ZFAND3: variants seen among roughly 807,000 people sequenced by gnomAD.
The protein encoded by ZFAND3 is AN1-type zinc finger protein 3.
Under a neutral mutation model 29.6 loss-of-function variants are expected in ZFAND3, and 10 were observed. The ratio of observed to expected loss-of-function variants is 0.34; its 90% CI spans 0.21 to 0.57. The LOEUF is 0.57. ZFAND3 is among the 20% of genes least tolerant of loss of function. ZFAND3 has a pLI of 0.86. For synonymous variants in ZFAND3, 128 were observed against 112.6 expected (o/e 1.14, Z -0.87); for missense variants, 230 against 304.5 (o/e 0.76, Z 1.82).
chr6:38,088,824 A>G (rs921798377), intron 4 of ZFAND3, among the ~76,000 whole-genome samples: 2 of 152,204 alleles, frequency 1.3e-5, no homozygotes, highest in African/African-American at 4.8e-5. Flanking sequence ...TAAAATAACT[A>G]TTTGTGAGGC....
At chr6:38,064,804 C>A (rs1764309863) in intron 3 of ZFAND3, among the ~76,000 whole-genome samples, 2 of 151,060 alleles carry the variant, frequency 1.3e-5, no homozygotes, top group Admixed American at 1.3e-4. Flanking sequence ...TAGACTTATA[C>A]TCTCTGAAGC....
intron 1 of ZFAND3, 121 bp downstream of exon 1, chr6:37,820,137 T>C: frequency 3.2e-6 from 1 of 311,708 alleles, no homozygotes; most frequent in East Asian, 1.9e-4. Flanking sequence ...AGCCCGGGCC[T>C]ACGGGGAGGG....
chr6:38,103,363 TATATACACACAATATATATATAC>T (rs1358110059), intron 4 of ZFAND3, among the ~76,000 whole-genome samples: 3 of 147,914 alleles, frequency 2.0e-5, no homozygotes, highest in Non-Finnish European at 3.0e-5. Flanking sequence ...TATATATATA[TATATACACACAATATATATATAC>T]ACACACACAT....
intron 5 of ZFAND3, among the ~76,000 whole-genome samples, chr6:38,128,843 C>G (rs1765687985): frequency 6.6e-6 from 1 of 152,152 alleles, no homozygotes; most frequent in Admixed American, 6.5e-5. Flanking sequence ...GACTTCTTTT[C>G]CTCTGGGTAG....
At chr6:37,987,711 G>A (rs1413581279) in intron 2 of ZFAND3, among the ~76,000 whole-genome samples, 2 of 152,164 alleles carry the variant, frequency 1.3e-5, no homozygotes, top group Admixed American at 1.3e-4. Flanking sequence ...CTAGCACTTT[G>A]TTGAATCAGG....
At chr6:37,853,062 A>G (rs1397513394) in intron 1 of ZFAND3, among the ~76,000 whole-genome samples, 2 of 152,074 alleles carry the variant, frequency 1.3e-5, no homozygotes, top group Non-Finnish European at 1.5e-5. Flanking sequence ...GTAGGTCAAT[A>G]ATGTCTATTT....
chr6:37,906,082 T>C (rs1935730372), intron 1 of ZFAND3, among the ~76,000 whole-genome samples: 1 of 152,128 alleles, frequency 6.6e-6, no homozygotes, highest in Non-Finnish European at 1.5e-5. Flanking sequence ...TTTAACCATT[T>C]TTAAGTAAAT....
intron 1 of ZFAND3, among the ~76,000 whole-genome samples, chr6:37,910,324 G>A (rs1765496920): frequency 6.6e-6 from 1 of 151,186 alleles, no homozygotes; most frequent in African/African-American, 2.5e-5. Flanking sequence ...ATTTAATCCT[G>A]TTGGTAACTG....
chr6:37,869,513 A>G (rs1160821264), intron 1 of ZFAND3, among the ~76,000 whole-genome samples: 1 of 141,322 alleles, frequency 7.1e-6, no homozygotes, highest in East Asian at 2.0e-4. Context: ...AAGTTTGTTA[A>G]TTTTTTTTTT....
intron 2 of ZFAND3, among the ~76,000 whole-genome samples, chr6:38,000,908 G>T (rs1762936696): frequency 6.6e-6 from 1 of 152,112 alleles, no homozygotes; most frequent in Non-Finnish European, 1.5e-5. Flanking sequence ...CCATATCACT[G>T]ACTGAGTCTT....
chr6:38,113,319 G>A (rs1320935540), intron 4 of ZFAND3, among the ~76,000 whole-genome samples: 2 of 152,162 alleles, frequency 1.3e-5, no homozygotes, highest in Non-Finnish European at 2.9e-5. Context: ...GGGCTTAATG[G>A]TGTTCTTTTA....
intron 2 of ZFAND3, among the ~76,000 whole-genome samples, chr6:38,041,715 C>T (rs1307778414): frequency 1.4e-3 from 1 of 734 alleles, no homozygotes; most frequent in African/African-American, 1.6e-3. Context: ...CCTCCTCCTC[C>T]TCCTCCTCCT....
chr6:37,927,659 GGTT>G (rs1262372798), intron 1 of ZFAND3, among the ~76,000 whole-genome samples: 1 of 152,170 alleles, frequency 6.6e-6, no homozygotes, highest in Non-Finnish European at 1.5e-5. Context: ...GGGAATCTTG[GGTT>G]GTTTTCCTAT....
intron 2 of ZFAND3, among the ~76,000 whole-genome samples, chr6:37,994,781 A>G (rs1762821352): frequency 6.6e-6 from 1 of 152,196 alleles, no homozygotes; most frequent in Non-Finnish European, 1.5e-5. Flanking sequence ...TACCAAGGAT[A>G]TAAGGCCAGA....
chr6:37,926,505 C>T (rs1761487412), intron 1 of ZFAND3, among the ~76,000 whole-genome samples: 1 of 152,162 alleles, frequency 6.6e-6, no homozygotes, highest in Non-Finnish European at 1.5e-5. Context: ...TACTCCCTTG[C>T]AAAAATGTTC....
chr6:37,953,059 G>C (rs2842516), intron 2 of ZFAND3, among the ~76,000 whole-genome samples: 132,148 of 151,900 alleles, frequency 0.87, 58,294 homozygotes, highest in East Asian at 0.96. Flanking sequence ...GTAGTTGAGT[G>C]TTGCTTTGAC....
intron 2 of ZFAND3, among the ~76,000 whole-genome samples, chr6:37,954,478 C>T (rs1762051460): frequency 6.6e-6 from 1 of 152,160 alleles, no homozygotes; most frequent in Non-Finnish European, 1.5e-5. Context: ...TATTTTCAAT[C>T]TCACATGCTA....
At chr6:37,855,228 T>A (rs113604488) in intron 1 of ZFAND3, among the ~76,000 whole-genome samples, 1 of 149,888 alleles carries the variant, frequency 6.7e-6, no homozygotes, top group African/African-American at 2.5e-5. Flanking sequence ...CACGGCAGCC[T>A]CCACCTCCCA....
intron 2 of ZFAND3, among the ~76,000 whole-genome samples, chr6:38,056,821 G>T (rs1045297234): frequency 6.6e-6 from 1 of 150,620 alleles, no homozygotes; most frequent in African/African-American, 2.5e-5. Context: ...TCTTTGTTGA[G>T]AAATTATTTT....
Sources: gnomAD v4.1 joint callset for allele counts (sites outside exome capture counted in the v4.1 genomes callset) on GRCh38, gnomAD v4.1.1 for gene constraint, MANE v1.5 for transcripts, NCBI Gene and HGNC (gene_info 2026-07-23, HGNC 2026-07-21) for gene names.